The following IGF1R variants were observed in gnomAD, a reference collection of about 807,000 sequenced individuals.
IGF1R encodes insulin like growth factor 1 receptor, also known as insulin-like growth factor 1 receptor.
Under a neutral mutation model 144.6 loss-of-function variants are expected in IGF1R, and 44 were observed. That is an observed-to-expected ratio of 0.30 (90% CI 0.24 to 0.39). The LOEUF (loss-of-function observed/expected upper bound fraction) is 0.39, where lower values mean the gene tolerates loss of function less well. Among genes scored for constraint, IGF1R ranks in the 10% least tolerant of loss-of-function variants. The pLI, the probability that IGF1R is intolerant of heterozygous loss-of-function variation, is 1.00. For missense variants in IGF1R, 1,355 were observed against 1,833.7 expected (o/e 0.74, Z 4.77); for synonymous variants, 795 against 722.8 (o/e 1.10, Z -1.60).
intron 2 of IGF1R, among the ~76,000 whole-genome samples, chr15:98,787,630 T>A (rs1442012310): frequency 6.6e-6 from 1 of 151,262 alleles, no homozygotes; most frequent in East Asian, 1.9e-4. Flanking sequence ...GTATTGATCC[T>A]TAAAACAGAG....
intron 2 of IGF1R, among the ~76,000 whole-genome samples, chr15:98,848,113 A>G (rs1306435382): frequency 6.6e-6 from 1 of 152,186 alleles, no homozygotes; most frequent in Non-Finnish European, 1.5e-5. Flanking sequence ...GCTGGACAGC[A>G]AGTCCTTTCT....
chr15:98,840,507 T>C (rs1348721476), intron 2 of IGF1R, among the ~76,000 whole-genome samples: 1 of 152,104 alleles, frequency 6.6e-6, no homozygotes, highest in African/African-American at 2.4e-5. Flanking sequence ...TGGAGCGCAG[T>C]AGTGCAGTCG....
At position 98,950,822 on chromosome 15, in the gene IGF1R, A is replaced by G. The variant is rs139050552; in HGVS notation, c.3722+2114A>G. The stretch of plus-strand genomic sequence containing the variant: ...ATATGGGATATTTACACCAGGGGCA[A>G]CGATCTTGGGGGGCATCTTAGAATT... On this transcript the variant is annotated intron_variant, in intron 20 of 20. Coordinates refer to ENST00000650285, the MANE Select transcript of IGF1R (RefSeq NM_000875.5). Among the ~76,000 whole-genome samples, 517 of 152,302 alleles carry G rather than the reference A, an allele frequency of 3.4e-3. 3 individuals carry two copies. The highest frequency in any genetic ancestry group is 0.012 in the African/African-American group (495 of 41,560).
At chr15:98,786,037 C>T (rs1368109259) in intron 2 of IGF1R, among the ~76,000 whole-genome samples, 3 of 152,226 alleles carry the variant, frequency 2.0e-5, no homozygotes, top group Non-Finnish European at 4.4e-5. Flanking sequence ...GCCTCTCTCA[C>T]CCTCCCTTTT....
rs1255728900 is a variant in IGF1R, at chr15:98,780,574, A to AG, written c.640+72467_640+72468insG. 1.0e-3 allele frequency among the ~76,000 whole-genome samples: 11 copies of AG among 10,750 alleles called. No individual in the cohort carries two copies. The East Asian group carries it at 0.012, about 12-fold the overall frequency. The allele number at this position is 10,750 out of a possible 152,430, so 7.1% of individuals were successfully genotyped here. ...CAAAAAAAAAAAAAAAAAAAAAAAA[A>AG]AGAGAGAGAGAGTAAATAAAATTGT... On this transcript the variant is annotated intron_variant, in intron 2 of 20. Transcript: ENST00000650285.
chr15:98,923,864 T>G lies in IGF1R; in HGVS notation c.2486-12T>G. On this transcript the variant is annotated splice_polypyrimidine_tract_variant and intron_variant, in intron 11 of 20. Coordinates refer to ENST00000650285, the MANE Select transcript of IGF1R (RefSeq NM_000875.5). ...CCCAAATCCAACTTTGTCACCTGTT[T>G]AAATTGTACAGAAGGAGCAGATGAC... The G allele has an allele frequency of 6.2e-7, 1 of 1,613,288 alleles. No individual in the cohort carries two copies. The highest frequency in any genetic ancestry group is 8.5e-7 in the Non-Finnish European group (1 of 1,179,276).
At chr15:98,759,328 G>A (rs1297084170) in intron 2 of IGF1R, among the ~76,000 whole-genome samples, 1 of 152,178 alleles carries the variant, frequency 6.6e-6, no homozygotes, top group Non-Finnish European at 1.5e-5. Context: ...GTAGTGTTAG[G>A]TTAAACCTGT....
chr15:98,899,463 C>T lies in IGF1R; in HGVS notation c.1103-14C>T, dbSNP rs767775809. 2 of 1,613,704 alleles carry T rather than the reference C, an allele frequency of 1.2e-6. No homozygotes were observed. Among genetic ancestry groups the T allele is most frequent in the Admixed American group, 3.3e-5 (2 of 60,018 alleles). ...CAAGTGAGCACACAGTGACACAATC[C>T]CCTTTCAATGTAGATAACATTGCTT... On this transcript the variant is annotated splice_polypyrimidine_tract_variant and intron_variant, in intron 4 of 20. Transcript: ENST00000650285.
intron 2 of IGF1R, among the ~76,000 whole-genome samples, chr15:98,791,255 C>A (rs1459763971): frequency 6.6e-6 from 1 of 152,182 alleles, no homozygotes; most frequent in South Asian, 2.1e-4. Context: ...CATCATCTTT[C>A]AAATGCAACA....
intron 14 of IGF1R, 129 bp downstream of exon 14, chr15:98,929,789 C>G (rs372054282): frequency 1.2e-4 from 87 of 736,210 alleles, no homozygotes; most frequent in Middle Eastern, 4.6e-4. Context: ...ATTTTCCCAT[C>G]AAATGTTCTT....
chr15:98,705,581 T>TA (rs1424710093), intron 1 of IGF1R, among the ~76,000 whole-genome samples: 1 of 152,236 alleles, frequency 6.6e-6, no homozygotes, highest in African/African-American at 2.4e-5. Flanking sequence ...AATTAGATGA[T>TA]ATGAAGTTTC....
intron 2 of IGF1R, among the ~76,000 whole-genome samples, chr15:98,751,404 C>T (rs1189736011): frequency 3.3e-5 from 5 of 152,076 alleles, no homozygotes; most frequent in Admixed American, 6.6e-5. Flanking sequence ...AGTGATGCCT[C>T]GCCATGTTGC....
intron 2 of IGF1R, among the ~76,000 whole-genome samples, chr15:98,768,780 A>AAAATT (rs1333857146): frequency 1.4e-5 from 2 of 140,944 alleles, no homozygotes; most frequent in Non-Finnish European, 3.1e-5. Flanking sequence ...AAAAAAAAAA[A>AAAATT]AGCCGGGCGC....
chr15:98,759,500 G>T (rs569423081), intron 2 of IGF1R, among the ~76,000 whole-genome samples: 1 of 152,286 alleles, frequency 6.6e-6, no homozygotes, highest in South Asian at 2.1e-4. Context: ...CCCCCCAGGG[G>T]GTCTGTTTGA....
rs983736991 is a variant in IGF1R, at chr15:98,704,163, G to A, written c.95-3399G>A. On this transcript the variant is annotated intron_variant, in intron 1 of 20. Coordinates refer to ENST00000650285, the MANE Select transcript of IGF1R (RefSeq NM_000875.5). This position sits in a 1 kb window ranked among gnomAD's most constrained non-coding sequence, Gnocchi z 4.9. ...TCCACAAAGGGTAATAAAATGGTTC[G>A]TTGTATACAAACTTTGTTTCATGCA... 2.0e-5 allele frequency among the ~76,000 whole-genome samples: 3 copies of A among 152,096 alleles called. No homozygotes were observed. The highest frequency in any genetic ancestry group is 2.9e-5 in the Non-Finnish European group (2 of 68,032).
At chr15:98,703,230 G>T (rs1320616444) in intron 1 of IGF1R, among the ~76,000 whole-genome samples, 2 of 152,094 alleles carry the variant, frequency 1.3e-5, no homozygotes, top group Non-Finnish European at 2.9e-5. Flanking sequence ...GCCAATATCG[G>T]TTGCTTTGAG....
intron 1 of IGF1R, among the ~76,000 whole-genome samples, chr15:98,706,337 C>T (rs546142713): frequency 4.6e-5 from 7 of 152,124 alleles, no homozygotes; most frequent in Non-Finnish European, 1.0e-4. Flanking sequence ...TTATTAAATC[C>T]TAAAAAAGGT....
At chr15:98,938,821 C>T (rs1477082653) in intron 17 of IGF1R, among the ~76,000 whole-genome samples, 3 of 152,144 alleles carry the variant, frequency 2.0e-5, no homozygotes, top group Non-Finnish European at 2.9e-5. Flanking sequence ...ACCTGTACTT[C>T]GGTGATGGAA....
chr15:98,751,473 G>A (rs1250146467), intron 2 of IGF1R, among the ~76,000 whole-genome samples: 3 of 152,130 alleles, frequency 2.0e-5, no homozygotes, highest in African/African-American at 7.2e-5. Context: ...ACTCTCAAAA[G>A]GCTGTAACCC....
Sources: allele counts gnomAD v4.1 joint callset (sites outside exome capture counted in the v4.1 genomes callset), GRCh38; gene constraint gnomAD v4.1.1; non-coding constraint Gnocchi (gnomAD v3.1); transcripts MANE v1.5; gene names NCBI Gene and HGNC (gene_info 2026-07-23, HGNC 2026-07-21).